The following ERBB4 variants were observed in gnomAD, a reference collection of about 807,000 sequenced individuals.
ERBB4 encodes the protein receptor tyrosine-protein kinase erbB-4.
ERBB4 carries 42 observed loss-of-function variants against 158.0 expected under a neutral mutation model. The ratio of observed to expected loss-of-function variants is 0.27; its 90% CI spans 0.21 to 0.34. The LOEUF is 0.34. Ranked by LOEUF, ERBB4 falls within the 10% of genes least tolerant of loss-of-function variation. The probability of loss-of-function intolerance (pLI) is 1.00; values close to 1 mark genes in which losing one functional copy is unlikely to be tolerated. For missense variants in ERBB4, 1,333 were observed against 1,624.1 expected (o/e 0.82, Z 3.08); for synonymous variants, 583 against 558.7 (o/e 1.04, Z -0.61).
intron 25 of ERBB4, among the ~76,000 whole-genome samples, chr2:211,416,771 C>T (rs769399040): frequency 6.6e-6 from 1 of 152,036 alleles, no homozygotes; most frequent in Non-Finnish European, 1.5e-5. Context: ...TATAGCTTCC[C>T]CAGGCCAACA....
At chr2:211,989,810 C>T (rs2082027185) in intron 2 of ERBB4, among the ~76,000 whole-genome samples, 1 of 151,912 alleles carries the variant, frequency 6.6e-6, no homozygotes, top group South Asian at 2.1e-4. Flanking sequence ...AAAAAGAACA[C>T]AGCATTCACT....
At chr2:211,621,802 AT>A (rs1320268600) in intron 18 of ERBB4, among the ~76,000 whole-genome samples, 1 of 152,128 alleles carries the variant, frequency 6.6e-6, no homozygotes, top group Non-Finnish European at 1.5e-5. Flanking sequence ...TCTGTTCTTC[AT>A]AAACACATAA....
intron 1 of ERBB4, among the ~76,000 whole-genome samples, chr2:212,233,692 C>A (rs1372060784): frequency 6.6e-6 from 1 of 152,034 alleles, no homozygotes; most frequent in African/African-American, 2.4e-5. Context: ...CATTGAGATG[C>A]AGCCTCTTGT....
At chr2:212,049,121 T>C (rs999298399) in intron 2 of ERBB4, among the ~76,000 whole-genome samples, 3 of 152,246 alleles carry the variant, frequency 2.0e-5, no homozygotes, top group Non-Finnish European at 2.9e-5. Context: ...ATTTGTTATA[T>C]AGCAATAGAA....
intron 19 of ERBB4, among the ~76,000 whole-genome samples, chr2:211,578,015 C>A (rs1267200311): frequency 1.3e-5 from 2 of 152,090 alleles, no homozygotes; most frequent in Non-Finnish European, 2.9e-5. Flanking sequence ...GCGAGGAAGT[C>A]AAACTCTGTA....
At chr2:211,405,955 A>G (rs939585292) in intron 25 of ERBB4, among the ~76,000 whole-genome samples, 18 of 152,046 alleles carry the variant, frequency 1.2e-4, no homozygotes, top group Admixed American at 3.3e-4. Context: ...GCAACATCCA[A>G]CTGATACCCA....
intron 22 of ERBB4, among the ~76,000 whole-genome samples, chr2:211,426,910 T>C (rs1303692234): frequency 2.6e-5 from 4 of 151,982 alleles, no homozygotes; most frequent in Non-Finnish European, 1.5e-5. Flanking sequence ...TCATATAATA[T>C]ATAAAGTTAT....
At chr2:211,758,088 TTACACG>T (rs1486423995) in intron 4 of ERBB4, among the ~76,000 whole-genome samples, 2 of 152,204 alleles carry the variant, frequency 1.3e-5, no homozygotes, top group Admixed American at 1.3e-4. Flanking sequence ...CGATTATCAC[TTACACG>T]TACAAGCTCA....
intron 2 of ERBB4, among the ~76,000 whole-genome samples, chr2:212,093,837 A>T (rs1478936130): frequency 1.3e-5 from 2 of 152,190 alleles, no homozygotes; most frequent in South Asian, 4.1e-4. Flanking sequence ...ATGATTAGGG[A>T]AAACATAGAT....
chr2:211,843,202 A>G (rs930982392), intron 3 of ERBB4, among the ~76,000 whole-genome samples: 2 of 152,134 alleles, frequency 1.3e-5, no homozygotes, highest in African/African-American at 4.8e-5. Flanking sequence ...CTCTACTGAT[A>G]TTTCCTTTTT....
chr2:212,102,090 T>TTATATTTATATATA (rs1553558606), intron 2 of ERBB4, among the ~76,000 whole-genome samples: 1 of 107,978 alleles, frequency 9.3e-6, no homozygotes, highest in Non-Finnish European at 2.1e-5. Flanking sequence ...AAAATTTATT[T>TTATATTTATATATA]TATATATATA....
intron 2 of ERBB4, among the ~76,000 whole-genome samples, chr2:212,090,953 T>C (rs1160141199): frequency 6.6e-6 from 1 of 152,194 alleles, no homozygotes; most frequent in Non-Finnish European, 1.5e-5. Flanking sequence ...TTTAAATTAA[T>C]TCTTTATCTA....
chr2:212,278,625 AAACAGC>A (rs1429864909), intron 1 of ERBB4, among the ~76,000 whole-genome samples: 1 of 151,718 alleles, frequency 6.6e-6, no homozygotes, highest in Non-Finnish European at 1.5e-5. Flanking sequence ...GACTAGCTGA[AAACAGC>A]AAGTCACAAA....
At chr2:211,958,416 T>C (rs894546636) in intron 2 of ERBB4, among the ~76,000 whole-genome samples, 2 of 152,118 alleles carry the variant, frequency 1.3e-5, no homozygotes, top group Non-Finnish European at 2.9e-5. Flanking sequence ...AGTAGCTATT[T>C]ACTATTTCAA....
intron 1 of ERBB4, among the ~76,000 whole-genome samples, chr2:212,248,564 A>G (rs1423815976): frequency 6.6e-6 from 1 of 152,178 alleles, no homozygotes; most frequent in African/African-American, 2.4e-5. Flanking sequence ...TCAAATTAAG[A>G]AGTTTTCCCA....
intron 1 of ERBB4, among the ~76,000 whole-genome samples, chr2:212,192,008 A>ATATGTTATATATGTTATATGT (rs1559707043): frequency 1.5e-5 from 1 of 65,950 alleles, no homozygotes; most frequent in Non-Finnish European, 4.0e-5. Context: ...GTTATATATA[A>ATATGTTATATATGTTATATGT]TATATGTTAT....
chr2:212,494,655 T>C (rs1297272954), intron 1 of ERBB4, among the ~76,000 whole-genome samples: 2 of 152,074 alleles, frequency 1.3e-5, no homozygotes, highest in East Asian at 1.9e-4. Context: ...TTCACTAATG[T>C]ACAAGAATTA....
chr2:212,507,008 C>T (rs1224632132), intron 1 of ERBB4, among the ~76,000 whole-genome samples: 22 of 152,120 alleles, frequency 1.4e-4, no homozygotes, highest in Non-Finnish European at 3.2e-4. Context: ...GACTGTTTTT[C>T]AGGGACTAAT....
intron 2 of ERBB4, among the ~76,000 whole-genome samples, chr2:212,121,091 G>A (rs2125561963): frequency 6.6e-6 from 1 of 152,278 alleles, no homozygotes; most frequent in East Asian, 1.9e-4. Context: ...TTGAAATAAT[G>A]TATCATCCAA....
Sources: gnomAD v4.1 joint callset for allele counts (sites outside exome capture counted in the v4.1 genomes callset) on GRCh38, gnomAD v4.1.1 for gene constraint, MANE v1.5 for transcripts, NCBI Gene and HGNC (gene_info 2026-07-23, HGNC 2026-07-21) for gene names.